Variants in AUNIP observed in about 807,000 individuals in gnomAD.
The protein encoded by AUNIP is aurora kinase A and ninein interacting protein.
A neutral mutation model predicts 12.2 loss-of-function variants in AUNIP; 16 were observed. The ratio of observed to expected loss-of-function variants is 1.31; its 90% CI spans 0.88 to 1.99. AUNIP has a LOEUF of 1.99. AUNIP is among the 30% of genes most tolerant of loss of function. The pLI is 0.00. For synonymous variants in AUNIP, 142 were observed against 154.8 expected (o/e 0.92, Z 0.61); for missense variants, 411 against 419.1 (o/e 0.98, Z 0.17).
At chr1:25,848,279 G>A (rs1572265557) in intron 1 of AUNIP, among the ~76,000 whole-genome samples, 1 of 151,756 alleles carries the variant, frequency 6.6e-6, no homozygotes, top group African/African-American at 2.4e-5. Context: ...GCGGTGGCTC[G>A]TGCCTGTAAT....
intron 1 of AUNIP, among the ~76,000 whole-genome samples, chr1:25,841,132 T>C (rs1480642425): frequency 6.6e-6 from 1 of 152,204 alleles, no homozygotes; most frequent in African/African-American, 2.4e-5. Flanking sequence ...CGGTCAGAAC[T>C]GATACTGTCC....
Position 25,847,548 on chromosome 1 carries a change from A to G in AUNIP, c.79-9994T>C, listed in dbSNP as rs1464065796. ...CAAAAGTGCTGGGATTACAGGCATA[A>G]ACCACCACACCCGACCTTAAAAAAC... On this transcript the variant is annotated intron_variant, in intron 1 of 2. Transcript: ENST00000374298. The surrounding 1 kb of genome is among the most constrained non-coding windows in gnomAD (Gnocchi z 4.2). Among the ~76,000 whole-genome samples, 1 of 152,140 alleles carries G rather than the reference A, an allele frequency of 6.6e-6. No individual in the cohort carries two copies. The highest frequency in any genetic ancestry group is 6.5e-5 in the Admixed American group (1 of 15,268).
chr1:25,838,099 AT>A (rs2048318147), intron 1 of AUNIP, among the ~76,000 whole-genome samples: 1 of 151,536 alleles, frequency 6.6e-6, no homozygotes, highest in Non-Finnish European at 1.5e-5. Context: ...AAAAAAAAAA[AT>A]CAGTCCTAGT....
intron 1 of AUNIP, among the ~76,000 whole-genome samples, chr1:25,850,472 A>C (rs2048418123): frequency 6.6e-6 from 1 of 152,070 alleles, no homozygotes; most frequent in Non-Finnish European, 1.5e-5. Flanking sequence ...AAAAAGGACA[A>C]CTGAGATGTT....
At chr1:25,854,048 T>A (rs1171437530) in intron 1 of AUNIP, among the ~76,000 whole-genome samples, 1 of 152,002 alleles carries the variant, frequency 6.6e-6, no homozygotes, top group East Asian at 1.9e-4. Context: ...CCGTCTGTAC[T>A]AAAAATACAA....
At position 25,834,079 on chromosome 1, in the gene AUNIP, CAG is replaced by C. The variant is rs1463107353; in HGVS notation, c.*912_*913del. 1.5e-5 allele frequency: 15 copies of C among 985,198 alleles called. No individual in the cohort carries two copies. The highest frequency in any genetic ancestry group is 9.4e-5 in the South Asian group (2 of 21,288). 61.0% of individuals were successfully genotyped at this position (985,198 alleles called of 1,614,324 possible). A position where few individuals can be genotyped will look rare whatever the true frequency, so the allele number is the denominator to read the frequency against. ...CTCCTATCTTGTGGGAAAAGGGTAA[CAG>C]AGTCACATCCAGATTGTTGTACAGC... is the stretch of plus-strand genomic sequence containing the variant. On this transcript the variant is annotated 3_prime_UTR_variant, in exon 3 of 3. Transcript: ENST00000374298.
chr1:25,859,301 C>A lies in AUNIP; in HGVS notation c.57G>T (p.Ala19=). Reference sequence around the variant, plus strand: ...CCACCTGCACTTTCCGCCTCTTCAGCGCCGCCGCGTCCAGCCACACGCCGC... The same window carrying A: ...CCACCTGCACTTTCCGCCTCTTCAGAGCCGCCGCGTCCAGCCACACGCCGC... ...EACGVWLDAA[A]LKRRKVQTHL... The change falls in exon 1 of 3, where the codon GCG becomes GCT. Residue 19 remains alanine (A), a synonymous_variant. Transcript: ENST00000374298. 3 of 1,575,746 alleles carry A rather than the reference C, an allele frequency of 1.9e-6. No homozygotes were observed. Among genetic ancestry groups the A allele is most frequent in the Non-Finnish European group, 2.6e-6 (3 of 1,162,986 alleles).
Position 25,834,785 on chromosome 1 carries a change from C to T in AUNIP, c.*208G>A. On this transcript the variant is annotated 3_prime_UTR_variant, in exon 3 of 3. Coordinates refer to ENST00000374298, the MANE Select transcript of AUNIP (RefSeq NM_024037.3). Reference sequence around the variant, plus strand: ...CTCATTCAGGGAATTTACCAGCCACCACCTTCCTGAGGGAAAGCCATGATG... The same window carrying T: ...CTCATTCAGGGAATTTACCAGCCACTACCTTCCTGAGGGAAAGCCATGATG... 2 of 1,410,194 alleles carry T rather than the reference C, an allele frequency of 1.4e-6. No individual in the cohort carries two copies. Among genetic ancestry groups the T allele is most frequent in the Non-Finnish European group, 9.2e-7 (1 of 1,086,394 alleles). 87.4% of individuals were successfully genotyped at this position (1,410,194 alleles called of 1,614,324 possible).
chr1:25,841,386 A>G, intron 1 of AUNIP, among the ~76,000 whole-genome samples: 1 of 152,194 alleles, frequency 6.6e-6, no homozygotes, highest in East Asian at 1.9e-4. Flanking sequence ...TGTTTTTACA[A>G]ATTGAAGGTT....
intron 1 of AUNIP, 46 bp downstream of exon 1, chr1:25,859,234 A>G (rs1322682690): frequency 1.9e-6 from 3 of 1,547,064 alleles, no homozygotes; most frequent in Non-Finnish European, 2.6e-6. Context: ...TTACGCCTCC[A>G]GGCCCTACCT....
At chr1:25,846,060 TC>T (rs1321968003) in intron 1 of AUNIP, among the ~76,000 whole-genome samples, 3 of 152,210 alleles carry the variant, frequency 2.0e-5, no homozygotes, top group African/African-American at 7.2e-5. Context: ...GCAAATTTCT[TC>T]TATCACAATT....
chr1:25,846,626 G>GTCA (rs1230070331), intron 1 of AUNIP, among the ~76,000 whole-genome samples: 1 of 152,192 alleles, frequency 6.6e-6, no homozygotes, highest in African/African-American at 2.4e-5. Flanking sequence ...AGGAGGCTGA[G>GTCA]ACGGGAGAAT....
At chr1:25,845,120 AAC>A (rs1285228321) in intron 1 of AUNIP, among the ~76,000 whole-genome samples, 9 of 152,212 alleles carry the variant, frequency 5.9e-5, no homozygotes, top group Non-Finnish European at 1.3e-4. Flanking sequence ...CAGAACTGAA[AAC>A]ACACTACCTT....
intron 1 of AUNIP, among the ~76,000 whole-genome samples, chr1:25,839,469 C>G (rs1283748227): frequency 6.6e-6 from 1 of 152,202 alleles, no homozygotes; most frequent in Non-Finnish European, 1.5e-5. Context: ...CATCTGCGTT[C>G]CCACTATCTG....
At chr1:25,845,961 A>G (rs1230159031) in intron 1 of AUNIP, among the ~76,000 whole-genome samples, 1 of 152,164 alleles carries the variant, frequency 6.6e-6, no homozygotes, top group African/African-American at 2.4e-5. Flanking sequence ...ATCTAACAAC[A>G]CAAATTTATT....
rs1308480512 is a variant in AUNIP at position 25,835,759 on chromosome 1, A to G, written c.308T>C (p.Leu103Pro). Residue 103 changes from leucine (L) to proline (P), a missense_variant, in exon 3 of 3, where the codon CTA becomes CCA. Leu to Pro is a moderately conservative substitution (Grantham distance 98). Coordinates refer to ENST00000374298, the MANE Select transcript of AUNIP (RefSeq NM_024037.3). Reference sequence around the variant, plus strand: ...TGCTAAGCCTGGGATCAAATGGTCTAGCTGGGTCGCATTTTTCTTGGACTC... The same window carrying G: ...TGCTAAGCCTGGGATCAAATGGTCTGGCTGGGTCGCATTTTTCTTGGACTC... ...NKESKKNATQ[L>P]DHLIPGLAHD... is the part of the protein sequence containing the mutation. 2 of 1,614,128 alleles carry G rather than the reference A, an allele frequency of 1.2e-6. No individual in the cohort carries two copies. The highest frequency in any genetic ancestry group is 1.7e-6 in the Non-Finnish European group (2 of 1,180,054).
intron 1 of AUNIP, among the ~76,000 whole-genome samples, chr1:25,843,188 AT>A (rs1281696107): frequency 7.8e-4 from 108 of 138,330 alleles, no homozygotes; most frequent in African/African-American, 3.2e-3. Context: ...AAAAAAAAAT[AT>A]ATATATATAT....
rs1350983078 is a variant in AUNIP at position 25,847,158 on chromosome 1, C to T, written c.79-9604G>A. On this transcript the variant is annotated intron_variant, in intron 1 of 2. Coordinates refer to ENST00000374298, the MANE Select transcript of AUNIP (RefSeq NM_024037.3). This position sits in a 1 kb window ranked among gnomAD's most constrained non-coding sequence, Gnocchi z 4.2. The stretch of plus-strand genomic sequence containing the variant: ...CTACTCAGCTACCAATTTCCAGCTG[C>T]TAAATGTAATCATATGTGAAGATGC... 6.6e-6 allele frequency among the ~76,000 whole-genome samples: 1 copy of T among 152,212 alleles called. No homozygotes were observed. The highest frequency in any genetic ancestry group is 1.5e-5 in the Non-Finnish European group (1 of 68,040).
intron 1 of AUNIP, among the ~76,000 whole-genome samples, chr1:25,853,214 A>G (rs1391308033): frequency 6.6e-6 from 1 of 152,226 alleles, no homozygotes; most frequent in African/African-American, 2.4e-5. Context: ...TAAAGTTTCC[A>G]AATATTGTTC....
Sources: allele counts gnomAD v4.1 joint callset (sites outside exome capture counted in the v4.1 genomes callset), GRCh38; gene constraint gnomAD v4.1.1; non-coding constraint Gnocchi (gnomAD v3.1); transcripts MANE v1.5; gene names NCBI Gene and HGNC (gene_info 2026-07-23, HGNC 2026-07-21).